The following EYS variants were observed in gnomAD, a reference collection of about 807,000 sequenced individuals.
EYS encodes the protein protein eyes shut homolog.
Under a neutral mutation model 282.1 loss-of-function variants are expected in EYS, and 250 were observed. The ratio of observed to expected loss-of-function variants is 0.89; its 90% CI spans 0.80 to 0.98. The LOEUF (loss-of-function observed/expected upper bound fraction) is 0.98, where lower values mean the gene tolerates loss of function less well. Among genes scored for constraint, EYS ranks in the 50% least tolerant of loss-of-function variants. The pLI, the probability that EYS is intolerant of heterozygous loss-of-function variation, is 0.00. For missense variants in EYS, 4,016 were observed against 3,709.0 expected, an observed-to-expected ratio of 1.08 and a Z score of -2.15; for synonymous variants, 1,355 against 1,282.9, an observed-to-expected ratio of 1.06 and a Z score of -1.20.
At chr6:63,846,699 T>C (rs1250193371) in intron 36 of EYS, among the ~76,000 whole-genome samples, 1 of 152,164 alleles carries the variant, frequency 6.6e-6, no homozygotes, top group Non-Finnish European at 1.5e-5. Context: ...ACACACCAGT[T>C]AGGCTCTATA....
rs1050889538 is a variant in EYS at position 64,307,115 on chromosome 6, T to G, written c.6079-33A>C. The G allele has an allele frequency of 2.8e-5, 29 of 1,051,564 alleles. No homozygotes were observed. In the African/African-American group the frequency reaches 4.1e-4, roughly 15 times the overall value. The allele number at this position is 1,051,564 out of a possible 1,614,324, so 65.1% of individuals were successfully genotyped here. A position where few individuals can be genotyped will look rare whatever the true frequency, so the allele number is the denominator to read the frequency against. ...AGAGAGAGAGAGAGAGAAGTAGAGA[T>G]AATTTAAATGATTTTCTTGAATATA... is the stretch of plus-strand genomic sequence containing the variant. On this transcript the variant is annotated intron_variant, in intron 29 of 42. Coordinates refer to ENST00000503581, the MANE Select transcript of EYS (RefSeq NM_001142800.2).
chr6:64,390,021 C>A, intron 28 of EYS, among the ~76,000 whole-genome samples: 1 of 150,400 alleles, frequency 6.6e-6, no homozygotes, highest in East Asian at 2.0e-4. Context: ...TGGATGGCAC[C>A]TGGAAAATCG....
intron 12 of EYS, among the ~76,000 whole-genome samples, chr6:65,076,070 G>T (rs1238264522): frequency 6.6e-6 from 1 of 151,894 alleles, no homozygotes; most frequent in African/African-American, 2.4e-5. Context: ...ATGATAAGAG[G>T]TTTGTAAAAC....
intron 5 of EYS, among the ~76,000 whole-genome samples, chr6:65,462,613 A>T (rs1220365692): frequency 6.6e-6 from 1 of 152,044 alleles, no homozygotes. Flanking sequence ...TTACTACAAG[A>T]TACAAGCAAC....
intron 12 of EYS, among the ~76,000 whole-genome samples, chr6:65,273,799 CT>C (rs1347233713): frequency 6.6e-6 from 1 of 152,184 alleles, no homozygotes; most frequent in Non-Finnish European, 1.5e-5. Flanking sequence ...AAACCCCACT[CT>C]GTCTTTGTTC....
rs58326040 is a variant in EYS at position 65,506,460 on chromosome 6, C to CTTTT, written c.-332-10471_-332-10468dup. On this transcript the variant is annotated intron_variant, in intron 2 of 42. Transcript: ENST00000503581. ...GGTTTACAATATCCTTCCTTCCTTT[C>CTTTT]TTTTTTTTTTTTTTTTTTTTTTTTT... 6.8e-3 allele frequency among the ~76,000 whole-genome samples: 440 copies of CTTTT among 64,884 alleles called. 45 individuals carry two copies. The highest frequency in any genetic ancestry group is 9.8e-3 in the Non-Finnish European group (351 of 35,800). 42.6% of individuals were successfully genotyped at this position (64,884 alleles called of 152,430 possible).
At chr6:64,039,325 A>G (rs1365988125) in intron 33 of EYS, among the ~76,000 whole-genome samples, 4 of 152,220 alleles carry the variant, frequency 2.6e-5, no homozygotes, top group African/African-American at 4.8e-5. Context: ...TTGGACAGGA[A>G]TCTAACTCAA....
chr6:64,333,565 T>C (rs536448068), intron 29 of EYS, among the ~76,000 whole-genome samples: 4 of 152,280 alleles, frequency 2.6e-5, no homozygotes, highest in African/African-American at 7.2e-5. Context: ...AACTGGAACA[T>C]GCAACCCACT....
intron 22 of EYS, among the ~76,000 whole-genome samples, chr6:64,680,899 G>A (rs753428130): frequency 1.3e-5 from 2 of 152,108 alleles, no homozygotes; most frequent in East Asian, 1.9e-4. Context: ...TATTTAAAAC[G>A]TAATGTGAGG....
At chr6:64,252,002 A>G (rs1277711778) in intron 30 of EYS, among the ~76,000 whole-genome samples, 2 of 152,296 alleles carry the variant, frequency 1.3e-5, no homozygotes, top group East Asian at 3.9e-4. Flanking sequence ...AAAAATTCTC[A>G]GTACTGGCAA....
chr6:64,518,259 C>G (rs1252212191), intron 26 of EYS, among the ~76,000 whole-genome samples: 2 of 151,664 alleles, frequency 1.3e-5, no homozygotes, highest in African/African-American at 4.8e-5. Flanking sequence ...AAAACAAAAA[C>G]AAAACATAAC....
chr6:65,657,406 G>A (rs62407740), intron 1 of EYS, among the ~76,000 whole-genome samples: 20,221 of 151,784 alleles, frequency 0.13, 1,527 homozygotes, highest in South Asian at 0.29. Flanking sequence ...TTTCATGGTA[G>A]GAAGTCAACA....
intron 30 of EYS, among the ~76,000 whole-genome samples, chr6:64,274,459 G>A (rs1170657805): frequency 6.8e-6 from 1 of 146,310 alleles, no homozygotes; most frequent in Non-Finnish European, 1.5e-5. Context: ...GGGATTACAG[G>A]CGCGAGCCAC....
intron 8 of EYS, among the ~76,000 whole-genome samples, chr6:65,363,587 C>T (rs1244800032): frequency 6.6e-6 from 1 of 151,668 alleles, no homozygotes; most frequent in East Asian, 1.9e-4. Flanking sequence ...AAGAGTACAT[C>T]TTTAACAGGC....
At chr6:63,816,997 A>T (rs1385649061) in intron 36 of EYS, among the ~76,000 whole-genome samples, 1 of 152,216 alleles carries the variant, frequency 6.6e-6, no homozygotes, top group Non-Finnish European at 1.5e-5. Context: ...TTCCAAGTAC[A>T]GAAGGAATCT....
intron 22 of EYS, among the ~76,000 whole-genome samples, chr6:64,798,606 G>GT (rs1562197501): frequency 1.5e-4 from 17 of 115,350 alleles, no homozygotes; most frequent in South Asian, 2.4e-4. Flanking sequence ...CTTTGTTTCT[G>GT]GTTTTTTTTT....
At chr6:65,498,080 C>G (rs1271203464) in intron 2 of EYS, among the ~76,000 whole-genome samples, 1 of 151,998 alleles carries the variant, frequency 6.6e-6, no homozygotes, top group African/African-American at 2.4e-5. Context: ...TACTACATCT[C>G]CAAGGCTGTT....
At chr6:64,610,594 G>C (rs1258671287) in intron 24 of EYS, among the ~76,000 whole-genome samples, 1 of 151,728 alleles carries the variant, frequency 6.6e-6, no homozygotes, top group Non-Finnish European at 1.5e-5. Context: ...AGTAGAAACG[G>C]GGTTTCACCA....
intron 35 of EYS, among the ~76,000 whole-genome samples, chr6:63,877,789 G>A (rs534810201): frequency 2.6e-5 from 4 of 152,210 alleles, no homozygotes; most frequent in South Asian, 2.1e-4. Context: ...CATGCATCAC[G>A]TAGTTCTTGT....
Sources: gnomAD v4.1 joint callset for allele counts (sites outside exome capture counted in the v4.1 genomes callset) on GRCh38, gnomAD v4.1.1 for gene constraint, MANE v1.5 for transcripts, NCBI Gene and HGNC (gene_info 2026-07-23, HGNC 2026-07-21) for gene names.